Variants in SYT10 observed in about 807,000 individuals in gnomAD.
SYT10 encodes the protein synaptotagmin-10.
Under a neutral mutation model 51.1 loss-of-function variants are expected in SYT10, and 31 were observed. That is an observed-to-expected ratio of 0.61 (90% CI 0.46 to 0.82). The LOEUF (loss-of-function observed/expected upper bound fraction) is 0.82, where lower values mean the gene tolerates loss of function less well. Ranked by LOEUF, SYT10 falls within the 40% of genes least tolerant of loss-of-function variation. The probability of loss-of-function intolerance (pLI) is 0.00; values close to 1 mark genes in which losing one functional copy is unlikely to be tolerated. For synonymous variants in SYT10, 233 were observed against 225.9 expected (o/e 1.03, Z -0.28); for missense variants, 603 against 634.0 (o/e 0.95, Z 0.53).
At chr12:33,390,579 T>TAA (rs35751457) in intron 3 of SYT10, among the ~76,000 whole-genome samples, 1 of 151,946 alleles carries the variant, frequency 6.6e-6, no homozygotes, top group Non-Finnish European at 1.5e-5. Flanking sequence ...TATATATATA[T>TAA]AAAATAAATA....
At chr12:33,436,557 A>C (rs368681704) in intron 1 of SYT10, among the ~76,000 whole-genome samples, 1 of 152,152 alleles carries the variant, frequency 6.6e-6, no homozygotes, top group African/African-American at 2.4e-5. Context: ...TCATATTGTG[A>C]CTGTGAGATC....
intron 1 of SYT10, among the ~76,000 whole-genome samples, chr12:33,434,316 G>A (rs2138441360): frequency 6.6e-6 from 1 of 152,178 alleles, no homozygotes; most frequent in East Asian, 1.9e-4. Context: ...TCTAATTTCT[G>A]CTATTATCAT....
Position 33,374,514 on chromosome 12 carries a change from T to C in SYT10, c.*2316A>G, listed in dbSNP as rs1301648919. ...GTGAGGGTGTGTTGTATTAAAATTG[T>C]TAGGATTACATTTTAATAATATGAA... On this transcript the variant is annotated 3_prime_UTR_variant, in exon 7 of 7. Coordinates refer to ENST00000228567, the MANE Select transcript of SYT10 (RefSeq NM_198992.4). 6.8e-6 allele frequency: 1 copy of C among 146,790 alleles called. No individual in the cohort carries two copies. Among genetic ancestry groups the C allele is most frequent in the East Asian group, 2.1e-4 (1 of 4,800 alleles). The allele number at this position is 146,790 out of a possible 1,614,324, so 9.1% of individuals were successfully genotyped here.
chr12:33,407,385 A>T (rs558041174), intron 2 of SYT10, 29 bp from the exon 3 acceptor site: 15 of 1,587,348 alleles, frequency 9.4e-6, no homozygotes, highest in East Asian at 8.9e-5. Context: ...ACACAAAATC[A>T]TTGAGGGAGA....
chr12:33,397,019 C>T (rs534781503), intron 3 of SYT10, among the ~76,000 whole-genome samples: 1 of 152,174 alleles, frequency 6.6e-6, no homozygotes, highest in Non-Finnish European at 1.5e-5. Context: ...ACGGCTCTTT[C>T]TAACTTTCTG....
intron 3 of SYT10, among the ~76,000 whole-genome samples, chr12:33,401,014 G>A (rs1391473181): frequency 6.9e-6 from 1 of 145,774 alleles, no homozygotes; most frequent in East Asian, 2.2e-4. Context: ...GGGATAGAGT[G>A]AGATTCTGTC....
intron 1 of SYT10, 38 bp from the exon 2 acceptor site, chr12:33,426,533 T>C (rs751689791): frequency 1.4e-6 from 2 of 1,439,490 alleles, no homozygotes; most frequent in East Asian, 2.5e-5. Flanking sequence ...TAATTAATAT[T>C]GTACATAAAA....
At chr12:33,421,461 T>G (rs1215773503) in intron 2 of SYT10, among the ~76,000 whole-genome samples, 1 of 152,204 alleles carries the variant, frequency 6.6e-6, no homozygotes, top group Non-Finnish European at 1.5e-5. Context: ...CAAAGAAAAT[T>G]GGTTCTCATA....
chr12:33,387,487 G>A (rs922141954), intron 3 of SYT10, among the ~76,000 whole-genome samples: 1 of 152,198 alleles, frequency 6.6e-6, no homozygotes, highest in Non-Finnish European at 1.5e-5. Flanking sequence ...AGCACATACA[G>A]CAGTGTCTTA....
chr12:33,379,786 A>G (rs1415706749), intron 6 of SYT10, 46 bp downstream of exon 6: 13 of 1,607,314 alleles, frequency 8.1e-6, no homozygotes, highest in Middle Eastern at 1.7e-4. Flanking sequence ...ATATTTAAGC[A>G]AAAGAGACAA....
chr12:33,378,314 CAG>C (rs1866083183), intron 6 of SYT10, among the ~76,000 whole-genome samples: 2 of 152,152 alleles, frequency 1.3e-5, no homozygotes, highest in Non-Finnish European at 2.9e-5. Flanking sequence ...TCCCCTTCAT[CAG>C]AGAAAAGTAA....
intron 3 of SYT10, among the ~76,000 whole-genome samples, chr12:33,399,466 T>A (rs970932848): frequency 1.3e-5 from 2 of 152,222 alleles, no homozygotes; most frequent in Non-Finnish European, 2.9e-5. Flanking sequence ...ATAATAATTG[T>A]TGTGGGCTAT....
Position 33,385,299 on chromosome 12 carries a change from G to A in SYT10, c.1078-8C>T. ...ACCCAGGTCTATACTTTCCTAGAAA[G>A]GCAATCGGCATGTTAGCAATTTCAA... On this transcript the variant is annotated splice_polypyrimidine_tract_variant and splice_region_variant and intron_variant, in intron 3 of 6. Transcript: ENST00000228567. 1 of 1,612,136 alleles carries A rather than the reference G, an allele frequency of 6.2e-7. No homozygotes were observed.
In SYT10 at chr12:33,439,541, T is replaced by C. The variant is rs763939784; in HGVS notation, c.-19A>G. On this transcript the variant is annotated 5_prime_UTR_variant, in exon 1 of 7. Coordinates refer to ENST00000228567, the MANE Select transcript of SYT10 (RefSeq NM_198992.4). ...AACTCATCGTTTGGCTTTTCTTTCG[T>C]TTTCTCTTTTTTTCCCAGTTAGCCG... 1 of 1,610,196 alleles carries C rather than the reference T, an allele frequency of 6.2e-7. No individual in the cohort carries two copies. Among genetic ancestry groups the C allele is most frequent in the South Asian group, 1.1e-5 (1 of 90,812 alleles).
Position 33,382,359 on chromosome 12 carries a change from C to T in SYT10, c.1360G>A (p.Asp454Asn), listed in dbSNP as rs746333902. ...DQVSLSIAVM[D>N]YDRVGHNEVI... is the part of the protein sequence containing the mutation. ...GAGAGATACACATACCTATCGTAAT[C>T]CATGACCGCAATGGAGAGGCTGACC... The change falls in exon 5 of 7, where the codon GAT (aspartate) becomes AAT (asparagine). Residue 454 changes from aspartate (D) to asparagine (N), a missense_variant. Coordinates refer to ENST00000228567, the MANE Select transcript of SYT10 (RefSeq NM_198992.4). 23 of 1,604,388 alleles carry T rather than the reference C, an allele frequency of 1.4e-5. No homozygotes were observed. The Admixed American group carries it at 2.9e-4, about 20-fold the overall frequency.
chr12:33,401,775 G>A (rs1471147069), intron 3 of SYT10, among the ~76,000 whole-genome samples: 1 of 151,846 alleles, frequency 6.6e-6, no homozygotes, highest in Non-Finnish European at 1.5e-5. Context: ...GGTAGTGGTA[G>A]ATCTGTATTT....
chr12:33,434,094 C>A (rs1363989432), intron 1 of SYT10, among the ~76,000 whole-genome samples: 2 of 152,156 alleles, frequency 1.3e-5, no homozygotes, highest in African/African-American at 2.4e-5. Context: ...CACTAACATG[C>A]TTTCCTTTTA....
intron 2 of SYT10, among the ~76,000 whole-genome samples, chr12:33,408,594 C>G (rs142778342): frequency 6.6e-6 from 1 of 152,192 alleles, no homozygotes; most frequent in Non-Finnish European, 1.5e-5. Flanking sequence ...TCTTGTCAGT[C>G]TGTTCATCAG....
chr12:33,439,173 T>C (rs562974818), intron 1 of SYT10, among the ~76,000 whole-genome samples, 199 bp downstream of exon 1: 2 of 152,176 alleles, frequency 1.3e-5, no homozygotes, highest in South Asian at 4.1e-4. Context: ...GCCCGGCAGG[T>C]GGACAGGAGG....
Sources: gnomAD v4.1 joint callset for allele counts (sites outside exome capture counted in the v4.1 genomes callset) on GRCh38, gnomAD v4.1.1 for gene constraint, MANE v1.5 for transcripts, NCBI Gene and HGNC (gene_info 2026-07-23, HGNC 2026-07-21) for gene names.